Variants in L2HGDH observed in about 807,000 individuals in gnomAD.
L2HGDH encodes L-2-hydroxyglutarate dehydrogenase.
In L2HGDH, 34 loss-of-function variants were observed where a neutral mutation model predicts 51.5. The ratio of observed to expected loss-of-function variants is 0.66; its 90% CI spans 0.50 to 0.88. L2HGDH has a LOEUF of 0.88. Among genes scored for constraint, L2HGDH ranks in the 40% least tolerant of loss-of-function variants. The probability of loss-of-function intolerance (pLI) is 0.00; values close to 1 mark genes in which losing one functional copy is unlikely to be tolerated. For synonymous variants in L2HGDH, 198 were observed against 197.9 expected (o/e 1.00, Z -0.01); for missense variants, 558 against 571.9 (o/e 0.98, Z 0.25).
chr14:50,272,016 C>T (rs1416975559), intron 6 of L2HGDH, among the ~76,000 whole-genome samples: 1 of 152,184 alleles, frequency 6.6e-6, no homozygotes, highest in Non-Finnish European at 1.5e-5. Context: ...TGAGACACAC[C>T]TGTAATCCCA....
intron 5 of L2HGDH, among the ~76,000 whole-genome samples, chr14:50,280,367 T>C (rs1019953227): frequency 2.0e-5 from 3 of 152,108 alleles, no homozygotes; most frequent in Non-Finnish European, 2.9e-5. Context: ...GGTTTTACCA[T>C]GTTGGCCAAG....
chr14:50,271,297 T>A (rs921151066), intron 6 of L2HGDH, among the ~76,000 whole-genome samples: 4 of 152,152 alleles, frequency 2.6e-5, no homozygotes, highest in African/African-American at 9.7e-5. Flanking sequence ...ACAAAAAAAA[T>A]GCAGATAAGT....
chr14:50,244,499 A>G lies in L2HGDH; in HGVS notation c.*2559T>C, dbSNP rs1035971393. On this transcript the variant is annotated 3_prime_UTR_variant, in exon 10 of 10. Transcript: ENST00000267436. Reference sequence around the variant, plus strand: ...ATGATAATATTTTCCATCTCTTAGTAATCTTGTAATGGAACAGAAAAATAT... The same window carrying G: ...ATGATAATATTTTCCATCTCTTAGTGATCTTGTAATGGAACAGAAAAATAT... The G allele has an allele frequency of 1.7e-5, 17 of 985,308 alleles. No homozygotes were observed. Among genetic ancestry groups the G allele is most frequent in the Non-Finnish European group, 1.1e-5 (9 of 829,920 alleles). 61.0% of individuals were successfully genotyped at this position (985,308 alleles called of 1,614,324 possible).
At chr14:50,269,873 TTTAAAA>T (rs995268261) in intron 6 of L2HGDH, among the ~76,000 whole-genome samples, 135 of 152,326 alleles carry the variant, frequency 8.9e-4, no homozygotes, top group African/African-American at 3.1e-3. Flanking sequence ...ATAAAATCAT[TTTAAAA>T]TTAAAGTTAT....
intron 7 of L2HGDH, among the ~76,000 whole-genome samples, chr14:50,268,465 A>G (rs1694279097): frequency 6.6e-6 from 1 of 152,100 alleles, no homozygotes; most frequent in African/African-American, 2.4e-5. Flanking sequence ...GGTAAAGGAA[A>G]AAAAAAAGAT....
At chr14:50,289,854 C>T (rs568276400) in intron 4 of L2HGDH, among the ~76,000 whole-genome samples, 4 of 152,130 alleles carry the variant, frequency 2.6e-5, no homozygotes, top group Non-Finnish European at 4.4e-5. Flanking sequence ...GAGAATGGAG[C>T]TTATGTCTGT....
At position 50,270,188 on chromosome 14, in the gene L2HGDH, G is replaced by A. The variant is rs370601970; in HGVS notation, c.739-858C>T. Among the ~76,000 whole-genome samples, 8 of 152,196 alleles carry A rather than the reference G, an allele frequency of 5.3e-5. No individual in the cohort carries two copies. In the East Asian group the frequency reaches 9.6e-4, roughly 18 times the overall value. On this transcript the variant is annotated intron_variant, in intron 6 of 9. Transcript: ENST00000267436. ...CACACTACGTTCAACGTTTGCTTTA[G>A]TGACCAGCTTTAGACTGCTAATGTT...
intron 4 of L2HGDH, chr14:50,293,342 C>T (rs184271356): frequency 1.4e-6 from 1 of 690,540 alleles, no homozygotes; most frequent in Non-Finnish European, 2.6e-6. Flanking sequence ...AAAATCAATT[C>T]CAAATGGACT....
chr14:50,269,360 T>C (rs763641143), intron 6 of L2HGDH, 30 bp from the exon 7 acceptor site: 2 of 1,604,984 alleles, frequency 1.2e-6, no homozygotes, highest in South Asian at 1.1e-5. Flanking sequence ...CAGTTATTTG[T>C]ATAAAGTGGA....
intron 5 of L2HGDH, among the ~76,000 whole-genome samples, chr14:50,280,021 T>C (rs984504091): frequency 2.0e-5 from 3 of 149,674 alleles, no homozygotes; most frequent in Non-Finnish European, 3.0e-5. Context: ...GATCGTGCCA[T>C]TGCACTCCAG....
chr14:50,253,005 T>A lies in L2HGDH; in HGVS notation c.1197-5752A>T, dbSNP rs1349510075. ...CACATTTTTCTCCTCAGCACATGGA[T>A]CATTCTCAGGGATAGACCATATGTT... On this transcript the variant is annotated intron_variant, in intron 9 of 9. Coordinates refer to ENST00000267436, the MANE Select transcript of L2HGDH (RefSeq NM_024884.3). Among the ~76,000 whole-genome samples the A allele has an allele frequency of 4.6e-5, 7 of 152,262 alleles. No individual in the cohort carries two copies. In the South Asian group the frequency reaches 1.4e-3, roughly 32 times the overall value.
At chr14:50,275,673 G>A (rs1889938056) in intron 6 of L2HGDH, among the ~76,000 whole-genome samples, 1 of 152,198 alleles carries the variant, frequency 6.6e-6, no homozygotes. Flanking sequence ...AATAGCACTA[G>A]CTGGCTGGCA....
At chr14:50,281,479 T>C (rs1890267383) in intron 5 of L2HGDH, among the ~76,000 whole-genome samples, 1 of 151,796 alleles carries the variant, frequency 6.6e-6, no homozygotes, top group South Asian at 2.1e-4. Flanking sequence ...GTAATCCCAG[T>C]TACTTGGGAG....
rs1369371527 is a variant in L2HGDH, at chr14:50,303,005, T to G, written c.153A>C (p.Ile51=). Residue 51 remains isoleucine (I), a synonymous_variant, in exon 2 of 10, where the codon ATA becomes ATC. Coordinates refer to ENST00000267436, the MANE Select transcript of L2HGDH (RefSeq NM_024884.3). ...SRSASTSSFD[I]VIVGGGIVGL... is the part of the protein sequence containing the mutation. ...CCACAATTCCGCCACCAACGATGAC[T>G]ATATCAAATGAGCTTCAAAAGAAAG... is the stretch of plus-strand genomic sequence containing the variant. 1 of 1,606,496 alleles carries G rather than the reference T, an allele frequency of 6.2e-7. No individual in the cohort carries two copies. Among genetic ancestry groups the G allele is most frequent in the African/African-American group, 1.3e-5 (1 of 74,782 alleles).
At chr14:50,260,448 T>A (rs112026633) in intron 9 of L2HGDH, among the ~76,000 whole-genome samples, 188 of 152,326 alleles carry the variant, frequency 1.2e-3, no homozygotes, top group Non-Finnish European at 1.9e-3. Context: ...GATCTACATA[T>A]TTTATACGTT....
intron 9 of L2HGDH, among the ~76,000 whole-genome samples, chr14:50,258,846 A>G (rs1888826613): frequency 6.7e-6 from 1 of 150,194 alleles, no homozygotes; most frequent in Non-Finnish European, 1.5e-5. Flanking sequence ...TTTTTTATTT[A>G]ATTTTATTTA....
chr14:50,278,969 T>TTA (rs1890116070), intron 5 of L2HGDH, among the ~76,000 whole-genome samples: 1 of 152,222 alleles, frequency 6.6e-6, no homozygotes. Context: ...TCTATGTTGT[T>TTA]TAGAAAAGCA....
intron 9 of L2HGDH, 70 bp downstream of exon 9, chr14:50,265,288 C>A: frequency 7.3e-7 from 1 of 1,370,856 alleles, no homozygotes; most frequent in Non-Finnish European, 1.0e-6. Context: ...TACTAATCAC[C>A]AAGTCAGACC....
intron 8 of L2HGDH, among the ~76,000 whole-genome samples, chr14:50,265,844 G>A (rs1004221877): frequency 2.0e-5 from 3 of 152,146 alleles, no homozygotes; most frequent in African/African-American, 7.2e-5. Context: ...AACCCAGGAG[G>A]CAGAGGTTGC....
Sources: allele counts gnomAD v4.1 joint callset (sites outside exome capture counted in the v4.1 genomes callset), GRCh38; gene constraint gnomAD v4.1.1; transcripts MANE v1.5; gene names NCBI Gene and HGNC (gene_info 2026-07-23, HGNC 2026-07-21).